Variants in ATXN10 observed in about 807,000 individuals in gnomAD.
ATXN10 encodes the protein ataxin-10.
In ATXN10, 28 loss-of-function variants were observed where a neutral mutation model predicts 52.9. The ratio of observed to expected loss-of-function variants is 0.53; its 90% CI spans 0.39 to 0.73. The LOEUF (loss-of-function observed/expected upper bound fraction) is 0.73. ATXN10 is among the 30% of genes least tolerant of loss of function. The probability of loss-of-function intolerance (pLI) is 0.00; values close to 1 mark genes in which losing one functional copy is unlikely to be tolerated. For synonymous variants in ATXN10, 226 were observed against 221.5 expected, an observed-to-expected ratio of 1.02 and a Z score of -0.18; for missense variants, 565 against 577.0, an observed-to-expected ratio of 0.98 and a Z score of 0.21.
In ATXN10 at chr22:45,769,308, A is replaced by AT. The variant is rs1464502711; in HGVS notation, c.1173+28775dup. Among the ~76,000 whole-genome samples the AT allele has an allele frequency of 6.6e-6, 1 of 151,998 alleles. No individual in the cohort carries two copies. The highest frequency in any genetic ancestry group is 1.5e-5 in the Non-Finnish European group (1 of 68,006). ...CATCCCCTCTCCCCCATACAGACAC[A>AT]TTTTTGTTGTTATATTCATAGACAC... On this transcript the variant is annotated intron_variant, in intron 9 of 11. Coordinates refer to ENST00000252934, the MANE Select transcript of ATXN10 (RefSeq NM_013236.4). The surrounding 1 kb of genome is among the most constrained non-coding windows in gnomAD (Gnocchi z 4.2).
chr22:45,833,128 G>A lies in ATXN10; in HGVS notation c.1238-9863G>A, dbSNP rs1431024195. 3.3e-5 allele frequency among the ~76,000 whole-genome samples: 5 copies of A among 152,190 alleles called. No individual in the cohort carries two copies. ...TCACCTATTACTGTTAGAAGTGAAA[G>A]CAGACAGCATGAAATGAGAACCTCT... On this transcript the variant is annotated intron_variant, in intron 10 of 11. Coordinates refer to ENST00000252934, the MANE Select transcript of ATXN10 (RefSeq NM_013236.4). The surrounding 1 kb of genome is among the most constrained non-coding windows in gnomAD (Gnocchi z 4.3).
At chr22:45,716,972 T>C (rs1277679759) in intron 5 of ATXN10, among the ~76,000 whole-genome samples, 1 of 152,188 alleles carries the variant, frequency 6.6e-6, no homozygotes, top group Admixed American at 6.5e-5. Context: ...AGACCCACGC[T>C]TTTGGGTCCT....
rs144727255 is a variant in ATXN10 at position 45,843,011 on chromosome 22, T to C, written c.1258T>C (p.Tyr420His). 9 of 1,614,070 alleles carry C rather than the reference T, an allele frequency of 5.6e-6. No homozygotes were observed. The highest frequency in any genetic ancestry group is 4.4e-5 in the South Asian group (4 of 91,090). ...TCCAGTTCTGACCCAGTGGGTGATA[T>C]ATGCCATCCGAAACCTTACCGAAGA... ...SNPFLTQWVI[Y>H]AIRNLTEDNS... Residue 420 changes from tyrosine to histidine, a missense_variant, in exon 11 of 12, where the codon TAT becomes CAT. Physicochemically the swap from Tyr to His is moderately conservative, Grantham distance 83 (BLOSUM62 2). Coordinates refer to ENST00000252934, the MANE Select transcript of ATXN10 (RefSeq NM_013236.4). The surrounding 1 kb of genome is among the most constrained non-coding windows in gnomAD (Gnocchi z 4.5).
rs541656225 is a variant in ATXN10, at chr22:45,787,706, G to C, written c.1174-19253G>C. On this transcript the variant is annotated intron_variant, in intron 9 of 11. Transcript: ENST00000252934. This position sits in a 1 kb window ranked among gnomAD's most constrained non-coding sequence, Gnocchi z 4.2. ...ATATGTTTGTCTGTGTGTTATTCCT[G>C]TATAATTTTAACAGAACACAGTAGG... is the stretch of plus-strand genomic sequence containing the variant. Among the ~76,000 whole-genome samples the C allele has an allele frequency of 3.2e-4, 49 of 152,258 alleles. 1 individual carries two copies. The South Asian group carries it at 7.3e-3, about 23-fold the overall frequency.
rs76935859 is a variant in ATXN10 at position 45,689,492 on chromosome 22, G to A, written c.117-220G>A. The A allele has an allele frequency of 4.3e-3, 2,492 of 580,546 alleles. 14 individuals are homozygous for A. Among genetic ancestry groups the A allele is most frequent in the South Asian group, 0.011 (542 of 49,350 alleles). The allele number at this position is 580,546 out of a possible 1,614,324, so 36.0% of individuals were successfully genotyped here. A position where few individuals can be genotyped will look rare whatever the true frequency, so the allele number is the denominator to read the frequency against. ...GTGTTGGCCTCATAAGGCTGTTGCA[G>A]AGACTGAGATAATACATGAGAAGTG... On this transcript the variant is annotated intron_variant, in intron 1 of 11. Transcript: ENST00000252934.
At position 45,715,668 on chromosome 22, in the gene ATXN10, C is replaced by T. The variant is rs960730083; in HGVS notation, c.648-2745C>T. The stretch of plus-strand genomic sequence containing the variant: ...ATACAGATGATCTTGGTAGTACTGT[C>T]GTAGGTAGCCACCTTCACCTGAGTG... On this transcript the variant is annotated intron_variant, in intron 5 of 11. Transcript: ENST00000252934. This position sits in a 1 kb window ranked among gnomAD's most constrained non-coding sequence, Gnocchi z 4.4. Among the ~76,000 whole-genome samples, 1 of 152,182 alleles carries T rather than the reference C, an allele frequency of 6.6e-6. No homozygotes were observed. Among genetic ancestry groups the T allele is most frequent in the Non-Finnish European group, 1.5e-5 (1 of 68,032 alleles).
rs1927479555 is a variant in ATXN10 at position 45,790,737 on chromosome 22, TA to T, written c.1174-16221del. Among the ~76,000 whole-genome samples the T allele has an allele frequency of 6.6e-6, 1 of 152,244 alleles. No homozygotes were observed. The highest frequency in any genetic ancestry group is 2.4e-5 in the African/African-American group (1 of 41,462). Reference sequence around the variant, plus strand: ...CTGTTCAAATAGCCACTGAAACATCTACTCTTTTCTACACTTCACTGTAAGT... The same window carrying T: ...CTGTTCAAATAGCCACTGAAACATCTCTCTTTTCTACACTTCACTGTAAGT... On this transcript the variant is annotated intron_variant, in intron 9 of 11. Transcript: ENST00000252934. This position sits in a 1 kb window ranked among gnomAD's most constrained non-coding sequence, Gnocchi z 4.7.
In ATXN10 at chr22:45,793,471, C is replaced by T. The variant is rs368548189; in HGVS notation, c.1174-13488C>T. On this transcript the variant is annotated intron_variant, in intron 9 of 11. Transcript: ENST00000252934. The stretch of plus-strand genomic sequence containing the variant: ...GAGTCCACATCTTGAGGTCTTATTC[C>T]ATTTAATAAATCTCTCACTGCTCCT... 36 of 863,270 alleles carry T rather than the reference C, an allele frequency of 4.2e-5. No individual in the cohort carries two copies. In the South Asian group the frequency reaches 1.4e-3, roughly 34 times the overall value. The allele number at this position is 863,270 out of a possible 1,614,324, so 53.5% of individuals were successfully genotyped here.
chr22:45,743,507 T>C (rs749576769), intron 9 of ATXN10, among the ~76,000 whole-genome samples: 16 of 152,238 alleles, frequency 1.1e-4, no homozygotes, highest in Non-Finnish European at 2.1e-4. Flanking sequence ...TGGATGGTTA[T>C]GTAGCAGGTC....
At chr22:45,749,096 C>G (rs1925846619) in intron 9 of ATXN10, among the ~76,000 whole-genome samples, 1 of 128,704 alleles carries the variant, frequency 7.8e-6, no homozygotes, top group African/African-American at 2.6e-5. Flanking sequence ...ATAACCATTA[C>G]TATTGCAAAC....
rs142601673 is a variant in ATXN10 at position 45,687,801 on chromosome 22, C to T, written c.117-1911C>T. ...ATCGGCCAGGTGCAGTGGCTCACACCTGTAATCCCAGCACTTTGGGAGGCC... is the reference window on the plus strand; with the variant it reads ...ATCGGCCAGGTGCAGTGGCTCACACTTGTAATCCCAGCACTTTGGGAGGCC... On this transcript the variant is annotated intron_variant, in intron 1 of 11. Coordinates refer to ENST00000252934, the MANE Select transcript of ATXN10 (RefSeq NM_013236.4). Among the ~76,000 whole-genome samples the T allele has an allele frequency of 1.8e-3, 273 of 152,312 alleles. 2 individuals are homozygous for T. The highest frequency in any genetic ancestry group is 3.2e-3 in the Non-Finnish European group (215 of 68,034).
At chr22:45,822,403 C>G (rs937284273) in intron 10 of ATXN10, among the ~76,000 whole-genome samples, 3 of 152,032 alleles carry the variant, frequency 2.0e-5, no homozygotes, top group Admixed American at 1.3e-4. Flanking sequence ...TGTTTTCCAT[C>G]AGCAGTATAT....
Position 45,795,423 on chromosome 22 carries a change from C to CTATTA in ATXN10, c.1174-11535_1174-11534insATTAT, listed in dbSNP as rs1407609912. On this transcript the variant is annotated intron_variant, in intron 9 of 11. Coordinates refer to ENST00000252934, the MANE Select transcript of ATXN10 (RefSeq NM_013236.4). This position sits in a 1 kb window ranked among gnomAD's most constrained non-coding sequence, Gnocchi z 4.6. ...CTATTCTATTCTATTCTATTCTATTCTTTTTGAGATGAAGTCTCTCTATGT... is the reference window on the plus strand; with the variant it reads ...CTATTCTATTCTATTCTATTCTATTCTATTATTTTTGAGATGAAGTCTCTCTATGT... 1.8e-3 allele frequency among the ~76,000 whole-genome samples: 230 copies of CTATTA among 126,282 alleles called. 5 individuals are homozygous for CTATTA. Among genetic ancestry groups the CTATTA allele is most frequent in the African/African-American group, 7.1e-3 (217 of 30,666 alleles). 82.8% of individuals were successfully genotyped at this position (126,282 alleles called of 152,430 possible). A position where few individuals can be genotyped will look rare whatever the true frequency, so the allele number is the denominator to read the frequency against.
chr22:45,740,225 C>T (rs1925456347), intron 8 of ATXN10, 144 bp from the exon 9 acceptor site: 4 of 781,346 alleles, frequency 5.1e-6, no homozygotes, highest in Admixed American at 5.2e-5. Flanking sequence ...GCAGAAGAGC[C>T]TTGTAATCAT....
In ATXN10 at chr22:45,809,868, G is replaced by A. The variant is rs142627705; in HGVS notation, c.1237+2846G>A. The stretch of plus-strand genomic sequence containing the variant: ...TAGTATTTTCTCTTTCCTGTTCTGT[G>A]ATTACCTTGTCATTTTCTTTATAGT... On this transcript the variant is annotated intron_variant, in intron 10 of 11. Transcript: ENST00000252934. Among the ~76,000 whole-genome samples the A allele has an allele frequency of 4.0e-3, 613 of 152,224 alleles. 5 individuals are homozygous for A. The highest frequency in any genetic ancestry group is 6.7e-3 in the Admixed American group (102 of 15,290).
chr22:45,822,635 A>G (rs1447999723), intron 10 of ATXN10, among the ~76,000 whole-genome samples: 1 of 142,372 alleles, frequency 7.0e-6, no homozygotes, highest in Non-Finnish European at 1.5e-5. Context: ...GGTTCAAGTG[A>G]TTCTCCTGCC....
At chr22:45,797,947 AATAG>A (rs958597673) in intron 9 of ATXN10, among the ~76,000 whole-genome samples, 3 of 152,232 alleles carry the variant, frequency 2.0e-5, no homozygotes, top group African/African-American at 7.2e-5. Flanking sequence ...ATTTTGACAA[AATAG>A]ATGATATGAA....
In ATXN10 at chr22:45,826,862, G is replaced by A. The variant is rs116934135; in HGVS notation, c.1238-16129G>A. 6.6e-6 allele frequency among the ~76,000 whole-genome samples: 1 copy of A among 152,262 alleles called. No homozygotes were observed. The highest frequency in any genetic ancestry group is 1.9e-4 in the East Asian group (1 of 5,186). ...ATATGAAGAAATAAAGATCTCAATA[G>A]AGATAAATTCATGAGCAATATACAA... On this transcript the variant is annotated intron_variant, in intron 10 of 11. Transcript: ENST00000252934. This position sits in a 1 kb window ranked among gnomAD's most constrained non-coding sequence, Gnocchi z 5.0.
chr22:45,752,316 C>T (rs1217354141), intron 9 of ATXN10, among the ~76,000 whole-genome samples: 1 of 152,114 alleles, frequency 6.6e-6, no homozygotes, highest in Non-Finnish European at 1.5e-5. Context: ...ACTATCATCT[C>T]AGTATCATAG....
Sources: allele counts gnomAD v4.1 joint callset (sites outside exome capture counted in the v4.1 genomes callset), GRCh38; gene constraint gnomAD v4.1.1; non-coding constraint Gnocchi (gnomAD v3.1); transcripts MANE v1.5; gene names NCBI Gene and HGNC (gene_info 2026-07-23, HGNC 2026-07-21).